BANK1: variants seen among roughly 807,000 people sequenced by gnomAD.
The protein encoded by BANK1 is B-cell scaffold protein with ankyrin repeats.
In BANK1, 95 loss-of-function variants were observed where a neutral mutation model predicts 94.5. That is an observed-to-expected ratio of 1.00 (90% CI 0.85 to 1.19). The LOEUF (loss-of-function observed/expected upper bound fraction) is 1.19, where lower values mean the gene tolerates loss of function less well. BANK1 is among the 50% of genes most tolerant of loss of function. The pLI is 0.00. For missense variants in BANK1, 987 were observed against 932.2 expected (o/e 1.06, Z -0.77); for synonymous variants, 334 against 308.4 (o/e 1.08, Z -0.87).
intron 7 of BANK1, among the ~76,000 whole-genome samples, chr4:101,986,899 G>GTGTGTGTGTGTATATATATATA (rs1343197093): frequency 4.8e-5 from 4 of 82,660 alleles, no homozygotes; most frequent in African/African-American, 2.6e-4. Context: ...GTGTGTGTGT[G>GTGTGTGTGTGTATATATATATA]TATATATATA....
chr4:101,932,704 AAAG>A (rs1723397768), intron 7 of BANK1, among the ~76,000 whole-genome samples: 1 of 151,522 alleles, frequency 6.6e-6, no homozygotes, highest in African/African-American at 2.4e-5. Flanking sequence ...TACACTTCTG[AAAG>A]AAGAAATATT....
chr4:101,859,110 C>G (rs555041106), intron 3 of BANK1, among the ~76,000 whole-genome samples: 2 of 152,330 alleles, frequency 1.3e-5, no homozygotes, highest in South Asian at 4.1e-4. Flanking sequence ...AAATCACAAA[C>G]TAGTCCTTGG....
intron 1 of BANK1, among the ~76,000 whole-genome samples, chr4:101,811,232 C>A (rs979985112): frequency 2.6e-5 from 4 of 152,112 alleles, no homozygotes; most frequent in African/African-American, 9.7e-5. Flanking sequence ...GTTAGATGTA[C>A]AAGTATTATT....
At chr4:101,804,166 A>ACT (rs199923899) in intron 1 of BANK1, among the ~76,000 whole-genome samples, 236 of 151,804 alleles carry the variant, frequency 1.6e-3, no homozygotes, top group African/African-American at 5.4e-3. Context: ...AGTCACAAAA[A>ACT]TACAGACCAT....
chr4:101,902,810 AG>A (rs1383115526), intron 6 of BANK1, among the ~76,000 whole-genome samples: 2 of 152,254 alleles, frequency 1.3e-5, no homozygotes, highest in Non-Finnish European at 2.9e-5. Context: ...AGCAACTAGG[AG>A]ATCAGCCATG....
At chr4:101,933,643 A>G (rs1458090734) in intron 7 of BANK1, among the ~76,000 whole-genome samples, 2 of 151,560 alleles carry the variant, frequency 1.3e-5, no homozygotes, top group Non-Finnish European at 3.0e-5. Flanking sequence ...AGGTAGCACA[A>G]TGCAATATAG....
At chr4:101,806,661 A>G (rs189032831) in intron 1 of BANK1, among the ~76,000 whole-genome samples, 114 of 152,342 alleles carry the variant, frequency 7.5e-4, no homozygotes, top group Admixed American at 1.4e-3. Context: ...TAGTAATGCA[A>G]TTAATATCTC....
chr4:101,826,595 A>G (rs1273470619), intron 1 of BANK1, among the ~76,000 whole-genome samples: 2 of 152,046 alleles, frequency 1.3e-5, no homozygotes, highest in African/African-American at 4.8e-5. Flanking sequence ...TTCCTCAAAC[A>G]TAAAAATACT....
chr4:101,948,006 A>G (rs1723994749), intron 7 of BANK1, among the ~76,000 whole-genome samples: 1 of 152,040 alleles, frequency 6.6e-6, no homozygotes, highest in Admixed American at 6.6e-5. Context: ...TCCTTAATAT[A>G]TGCTATGTAC....
At chr4:102,045,663 G>A (rs898525635) in intron 11 of BANK1, among the ~76,000 whole-genome samples, 15 of 152,004 alleles carry the variant, frequency 9.9e-5, no homozygotes, top group Admixed American at 9.2e-4. Context: ...CAAACAGAGA[G>A]CCAAATCATG....
chr4:101,895,884 G>A (rs965580292), intron 6 of BANK1, among the ~76,000 whole-genome samples: 1 of 151,740 alleles, frequency 6.6e-6, no homozygotes, highest in Non-Finnish European at 1.5e-5. Context: ...AGGCTATGTA[G>A]CAGAGAGAGA....
At chr4:101,834,751 T>G (rs887050237) in intron 2 of BANK1, among the ~76,000 whole-genome samples, 5 of 152,186 alleles carry the variant, frequency 3.3e-5, no homozygotes, top group African/African-American at 1.2e-4. Context: ...AAGGGAAACT[T>G]ATTATTCAGA....
chr4:101,847,889 C>T (rs1273270627), intron 2 of BANK1, among the ~76,000 whole-genome samples: 5 of 152,060 alleles, frequency 3.3e-5, no homozygotes, highest in Admixed American at 2.6e-4. Flanking sequence ...GCTTCTTGCC[C>T]CGTTCAAATT....
chr4:102,031,599 T>C (rs1289585300), intron 10 of BANK1, among the ~76,000 whole-genome samples: 1 of 152,140 alleles, frequency 6.6e-6, no homozygotes, highest in African/African-American at 2.4e-5. Flanking sequence ...TACTTCCTCA[T>C]TAAAAAGGAT....
At chr4:101,935,589 T>C (rs1348647920) in intron 7 of BANK1, among the ~76,000 whole-genome samples, 1 of 151,586 alleles carries the variant, frequency 6.6e-6, no homozygotes, top group African/African-American at 2.4e-5. Context: ...ATTTAATTTA[T>C]CATCAAATGC....
intron 1 of BANK1, among the ~76,000 whole-genome samples, chr4:101,803,737 C>T (rs2148851267): frequency 6.6e-6 from 1 of 151,928 alleles, no homozygotes; most frequent in East Asian, 1.9e-4. Context: ...GTGGCTCACG[C>T]CTGTAATCCC....
intron 6 of BANK1, among the ~76,000 whole-genome samples, chr4:101,901,770 T>G (rs975866054): frequency 2.1e-5 from 3 of 145,412 alleles, no homozygotes; most frequent in African/African-American, 4.9e-5. Flanking sequence ...TTTGTTTTTG[T>G]TTTTTTTTGA....
intron 1 of BANK1, among the ~76,000 whole-genome samples, chr4:101,802,778 T>G (rs566020261): frequency 6.6e-6 from 1 of 152,314 alleles, no homozygotes; most frequent in East Asian, 1.9e-4. Context: ...AAATTGGTGC[T>G]CTGTAATTGA....
intron 7 of BANK1, among the ~76,000 whole-genome samples, chr4:101,927,933 A>G (rs1578403262): frequency 1.3e-5 from 2 of 151,752 alleles, no homozygotes; most frequent in African/African-American, 4.8e-5. Flanking sequence ...ATTGACCTGG[A>G]TGCCAAGTAA....
Sources: allele counts gnomAD v4.1 joint callset (sites outside exome capture counted in the v4.1 genomes callset), GRCh38; gene constraint gnomAD v4.1.1; transcripts MANE v1.5; gene names NCBI Gene and HGNC (gene_info 2026-07-23, HGNC 2026-07-21).